Variants in MROH6 observed in about 807,000 individuals in gnomAD.
MROH6 encodes the protein maestro heat-like repeat-containing protein family member 6.
Under a neutral mutation model 67.7 loss-of-function variants are expected in MROH6, and 62 were observed. That is an observed-to-expected ratio of 0.92 (90% CI 0.75 to 1.13). The LOEUF is 1.13. MROH6 is among the 50% of genes most tolerant of loss of function. The pLI is 0.00. For missense variants in MROH6, 1,175 were observed against 1,029.1 expected (o/e 1.14, Z -1.94); for synonymous variants, 566 against 470.8 (o/e 1.20, Z -2.62).
chr8:143,572,052 C>T lies in MROH6; in HGVS notation c.428G>A (p.Gly143Asp). Residue 143 changes from glycine to aspartate, a missense_variant, in exon 2 of 14, where the codon GGC becomes GAC. By Grantham distance (94) the Gly-to-Asp change is moderately conservative (BLOSUM62 -1). Coordinates refer to ENST00000398882, the MANE Select transcript of MROH6 (RefSeq NM_001100878.2). ...GCTGACCTGGTCCTCCAACCGCTCGCCCCGGGCCTCCAGGGCTGAGGACAG... is the reference window on the plus strand; with the variant it reads ...GCTGACCTGGTCCTCCAACCGCTCGTCCCGGGCCTCCAGGGCTGAGGACAG... ...LTLSSALEARGERLEDQVHAL... is the reference protein window; with the variant it reads ...LTLSSALEARDERLEDQVHAL... The T allele has an allele frequency of 6.2e-7, 1 of 1,611,974 alleles. No individual in the cohort carries two copies. Among genetic ancestry groups the T allele is most frequent in the Non-Finnish European group, 8.5e-7 (1 of 1,179,440 alleles).
At chr8:143,572,318 C>A (rs1335253161) in intron 1 of MROH6, 103 bp downstream of exon 1, 1 of 1,496,284 alleles carries the variant, frequency 6.7e-7, no homozygotes, top group Non-Finnish European at 9.0e-7. Context: ...TTCACGCTGA[C>A]CTCCCCCGGG....
chr8:143,572,430 C>A lies in MROH6; in HGVS notation c.285G>T (p.Gly95=). Residue 95 remains glycine (G), a synonymous_variant, in exon 1 of 14, where the codon GGG becomes GGT. Transcript: ENST00000398882. Reference sequence around the variant, plus strand: ...TTCCCTCCCCCGTCACCTGGTGGGGCCCCTCAGGGGCTGGTTCCAGGGCAC... The same window carrying A: ...TTCCCTCCCCCGTCACCTGGTGGGGACCCTCAGGGGCTGGTTCCAGGGCAC... ...LNSALEPAPE[G]PHQVPQSSWE... 1 of 1,576,372 alleles carries A rather than the reference C, an allele frequency of 6.3e-7. No individual in the cohort carries two copies. The highest frequency in any genetic ancestry group is 8.6e-7 in the Non-Finnish European group (1 of 1,164,000).
rs1287904047 is a variant in MROH6 at position 143,569,760 on chromosome 8, G to A, written c.1239C>T (p.Pro413=). 15 of 1,612,946 alleles carry A rather than the reference G, an allele frequency of 9.3e-6. No homozygotes were observed. The highest frequency in any genetic ancestry group is 1.2e-5 in the Non-Finnish European group (14 of 1,179,722). ...GGCCCAACCAGCGCACAGTGGGTTC[G>A]GGGTCTCCCTGCCAGGTGAGGAGTC... ...LERLLTWQGD[P]EPTVRWLGLL... The change falls in exon 8 of 14, where the codon CCC becomes CCT. Residue 413 remains proline, a synonymous_variant. Transcript: ENST00000398882.
In MROH6 at chr8:143,569,682, C is replaced by T. The variant is rs747635952; in HGVS notation, c.1302+15G>A. ...CCGGGCCAAGCCCCTCTCCACCCCT[C>T]CCCTTCTCTCACACCTTCCTGCGAT... On this transcript the variant is annotated intron_variant, in intron 8 of 13. Transcript: ENST00000398882. 1 of 1,611,446 alleles carries T rather than the reference C, an allele frequency of 6.2e-7. No individual in the cohort carries two copies. The highest frequency in any genetic ancestry group is 1.7e-5 in the Admixed American group (1 of 59,924).
chr8:143,568,676 G>C lies in MROH6; in HGVS notation c.1520C>G (p.Thr507Ser), dbSNP rs768754607. 2 of 1,522,302 alleles carry C rather than the reference G, an allele frequency of 1.3e-6. No homozygotes were observed. The highest frequency in any genetic ancestry group is 2.5e-5 in the East Asian group (1 of 40,458). The allele number at this position is 1,522,302 out of a possible 1,614,324, so 94.3% of individuals were successfully genotyped here. The change falls in exon 10 of 14, where the codon ACT becomes AGT. Residue 507 changes from threonine (T) to serine (S), a missense_variant. Coordinates refer to ENST00000398882, the MANE Select transcript of MROH6 (RefSeq NM_001100878.2). ...IRASAVGLLG[T>S]LVRRGRGGLR... ...CCCGCCCCGGCCCCGGCGCACCAGA[G>C]TCCCAAGGAGCCCGACGGCCGAGGC...
At position 143,571,758 on chromosome 8, in the gene MROH6, T is replaced by C; in HGVS notation, c.511A>G (p.Arg171Gly). 6.5e-7 allele frequency: 1 copy of C among 1,548,450 alleles called. No homozygotes were observed. The part of the protein sequence containing the change: ...VPSLAEGRPW[R>G]AALRVLSALA... Reference sequence around the variant, plus strand: ...GCGCTCAGCACTCGCAGGGCCGCCCTCCAGGGCCTCCCCTCCGCTAGGCTG... The same window carrying C: ...GCGCTCAGCACTCGCAGGGCCGCCCCCCAGGGCCTCCCCTCCGCTAGGCTG... Residue 171 changes from arginine to glycine, a missense_variant, in exon 3 of 14, where the codon AGG becomes GGG. By Grantham distance (125) the Arg-to-Gly change is moderately radical. Transcript: ENST00000398882.
rs201834642 is a variant in MROH6, at chr8:143,572,415, CG to C, written c.294+5del. 1.3e-6 allele frequency: 2 copies of C among 1,559,852 alleles called. No individual in the cohort carries two copies. Among genetic ancestry groups the C allele is most frequent in the Non-Finnish European group, 8.7e-7 (1 of 1,155,854 alleles). On this transcript the variant is annotated splice_donor_5th_base_variant and intron_variant, in intron 1 of 13. Coordinates refer to ENST00000398882, the MANE Select transcript of MROH6 (RefSeq NM_001100878.2). Reference sequence around the variant, plus strand: ...TTCGCACAACATCCCTTCCCTCCCCCGTCACCTGGTGGGGCCCCTCAGGGGC... The same window carrying C: ...TTCGCACAACATCCCTTCCCTCCCCCTCACCTGGTGGGGCCCCTCAGGGGC...
intron 13 of MROH6, 24 bp from the exon 14 acceptor site, chr8:143,567,489 C>T (rs746842560): frequency 5.1e-4 from 736 of 1,433,732 alleles, no homozygotes; most frequent in Non-Finnish European, 6.5e-4. Flanking sequence ...GCGGCTCAGG[C>T]TGGGGAGCCC....
chr8:143,568,864 G>T, intron 9 of MROH6, 145 bp from the exon 10 acceptor site: 1 of 609,600 alleles, frequency 1.6e-6, no homozygotes, highest in South Asian at 2.2e-5. Context: ...ACAGGGCCTG[G>T]AGCTGGACCT....
In MROH6 at chr8:143,569,441, G is replaced by T; in HGVS notation, c.1476C>A (p.Asp492Glu). The T allele has an allele frequency of 2.1e-6, 3 of 1,443,428 alleles. No homozygotes were observed. The highest frequency in any genetic ancestry group is 1.8e-6 in the Non-Finnish European group (2 of 1,108,884). 89.4% of individuals were successfully genotyped at this position (1,443,428 alleles called of 1,614,324 possible). Residue 492 changes from aspartate to glutamate, a missense_variant and splice_region_variant, in exon 9 of 14, where the codon GAC becomes GAA. Coordinates refer to ENST00000398882, the MANE Select transcript of MROH6 (RefSeq NM_001100878.2). The stretch of plus-strand genomic sequence containing the variant: ...ACCCGGAGGCGGGGCGTTTGCTCAC[G>T]TCGTCCAGTAGCGGAGGGAGGCGCG... ...LGPRLPPLLD[D>E]TRDSIRASAV... is the part of the protein sequence containing the mutation.
Position 143,569,452 on chromosome 8 carries a change from G to C in MROH6, c.1465C>G (p.Leu489Val). The C allele has an allele frequency of 6.9e-7, 1 of 1,456,942 alleles. No individual in the cohort carries two copies. Among genetic ancestry groups the C allele is most frequent in the East Asian group, 2.8e-5 (1 of 35,528 alleles). The allele number at this position is 1,456,942 out of a possible 1,614,324, so 90.3% of individuals were successfully genotyped here. A position where few individuals can be genotyped will look rare whatever the true frequency, so the allele number is the denominator to read the frequency against. The change falls in exon 9 of 14, where the codon CTA becomes GTA. Residue 489 changes from leucine (L) to valine (V), a missense_variant. Coordinates refer to ENST00000398882, the MANE Select transcript of MROH6 (RefSeq NM_001100878.2). ...SAELGPRLPP[L>V]LDDTRDSIRA... ...GGGCGTTTGCTCACGTCGTCCAGTA[G>C]CGGAGGGAGGCGCGGTCCCAGCTCC...
chr8:143,572,432 C>T lies in MROH6; in HGVS notation c.283G>A (p.Gly95Arg), dbSNP rs1277843756. The change falls in exon 1 of 14, where the codon GGG becomes AGG. Residue 95 changes from glycine (G) to arginine (R), a missense_variant. By Grantham distance (125) the Gly-to-Arg change is moderately radical (BLOSUM62 -2). Coordinates refer to ENST00000398882, the MANE Select transcript of MROH6 (RefSeq NM_001100878.2). ...LNSALEPAPE[G>R]PHQVPQSSWE... ...CCCTCCCCCGTCACCTGGTGGGGCC[C>T]CTCAGGGGCTGGTTCCAGGGCACTG... The T allele has an allele frequency of 2.5e-6, 4 of 1,581,334 alleles. No homozygotes were observed. The highest frequency in any genetic ancestry group is 3.4e-6 in the Non-Finnish European group (4 of 1,166,912).
Position 143,567,266 on chromosome 8 carries a change from C to G in MROH6, c.2133G>C (p.Trp711Cys), listed in dbSNP as rs1271823895. 3.3e-6 allele frequency: 4 copies of G among 1,222,762 alleles called. No homozygotes were observed. Among genetic ancestry groups the G allele is most frequent in the South Asian group, 4.1e-5 (1 of 24,314 alleles). 75.7% of individuals were successfully genotyped at this position (1,222,762 alleles called of 1,614,324 possible). A position where few individuals can be genotyped will look rare whatever the true frequency, so the allele number is the denominator to read the frequency against. ...PFQRRSVAGRWGCSGPRRA is the reference protein window; with the variant it reads ...PFQRRSVAGRCGCSGPRRA ...AGGCTCGGCGGGGTCCGGAGCAGCC[C>G]CAGCGGCCCGCGACGCTCCGGCGCT... Residue 711 changes from tryptophan (W) to cysteine (C), a missense_variant, in exon 14 of 14, where the codon TGG (tryptophan) becomes TGC (cysteine). Trp to Cys is a radical substitution (Grantham distance 215). Transcript: ENST00000398882.
chr8:143,571,637 G>A (rs1237458999), intron 3 of MROH6, 30 bp downstream of exon 3: 1 of 1,554,844 alleles, frequency 6.4e-7, no homozygotes, highest in Admixed American at 2.0e-5. Flanking sequence ...AAGCCGCGTG[G>A]GGACCGCAGG....
chr8:143,572,752 T>C lies in MROH6; in HGVS notation c.-38A>G, dbSNP rs1429530749. 4 of 1,448,294 alleles carry C rather than the reference T, an allele frequency of 2.8e-6. No homozygotes were observed. The East Asian group carries it at 7.5e-5, about 27-fold the overall frequency. The allele number at this position is 1,448,294 out of a possible 1,614,324, so 89.7% of individuals were successfully genotyped here. On this transcript the variant is annotated 5_prime_UTR_variant, in exon 1 of 14. Coordinates refer to ENST00000398882, the MANE Select transcript of MROH6 (RefSeq NM_001100878.2). The stretch of plus-strand genomic sequence containing the variant: ...CTGCAGCACCTGCCGCTGCTCCTCC[T>C]GCGAAGTTGTGCCCAGGACTGACCT...
In MROH6 at chr8:143,570,466, C is replaced by T; in HGVS notation, c.905+7G>A. 1 of 1,608,640 alleles carries T rather than the reference C, an allele frequency of 6.2e-7. No homozygotes were observed. On this transcript the variant is annotated splice_region_variant and intron_variant, in intron 5 of 13. Coordinates refer to ENST00000398882, the MANE Select transcript of MROH6 (RefSeq NM_001100878.2). The stretch of plus-strand genomic sequence containing the variant: ...CCCGCCCCACGTAACCTGGTGTTGC[C>T]TCTCACCTGGCATGGCTATGTGGTG...
chr8:143,572,303 C>A, intron 1 of MROH6, 118 bp from the exon 2 acceptor site: 1 of 1,516,376 alleles, frequency 6.6e-7, no homozygotes, highest in South Asian at 1.3e-5. Flanking sequence ...TGCTCACCAG[C>A]CTGTTTCACG....
rs762054601 is a variant in MROH6 at position 143,572,703 on chromosome 8, A to C, written c.12T>G (p.Gly4=). The C allele has an allele frequency of 2.8e-5, 42 of 1,478,154 alleles. No individual in the cohort carries two copies. Among genetic ancestry groups the C allele is most frequent in the South Asian group, 5.3e-5 (4 of 75,844 alleles). 91.6% of individuals were successfully genotyped at this position (1,478,154 alleles called of 1,614,324 possible). MAG[G]VWGRSRAREA... ...CCCGGGCCCGGCTCCGGCCCCACACACCCCCAGCCATGGCGGCCCTTGCCT... is the reference window on the plus strand; with the variant it reads ...CCCGGGCCCGGCTCCGGCCCCACACCCCCCCAGCCATGGCGGCCCTTGCCT... Residue 4 remains glycine (G), a synonymous_variant, in exon 1 of 14, where the codon GGT becomes GGG. Coordinates refer to ENST00000398882, the MANE Select transcript of MROH6 (RefSeq NM_001100878.2).
In MROH6 at chr8:143,569,820, G is replaced by T. The variant is rs1223169483; in HGVS notation, c.1179C>A (p.Thr393=). 3.7e-6 allele frequency: 6 copies of T among 1,611,232 alleles called. No individual in the cohort carries two copies. Among genetic ancestry groups the T allele is most frequent in the Non-Finnish European group, 4.2e-6 (5 of 1,179,162 alleles). Residue 393 remains threonine, a synonymous_variant, in exon 8 of 14, where the codon ACC becomes ACA. Coordinates refer to ENST00000398882, the MANE Select transcript of MROH6 (RefSeq NM_001100878.2). ...TGACCTCCTCCCGCAGGAGCCGTGC[G>T]GTGGGCCGGCTCTGCAACAGCTAGG... is the stretch of plus-strand genomic sequence containing the variant. ...FFTGLLQSRP[T]ARLLREEVIL... is the part of the protein sequence containing the mutation.
Sources: gnomAD v4.1 joint callset for allele counts on GRCh38, gnomAD v4.1.1 for gene constraint, MANE v1.5 for transcripts, NCBI Gene and HGNC (gene_info 2026-07-23, HGNC 2026-07-21) for gene names.